The following TLE7 variants were observed in gnomAD, a reference collection of about 807,000 sequenced individuals.
TLE7 encodes the protein TLE family member 7.
intron 1 of TLE7, among the ~76,000 whole-genome samples, chr16:71,439,433 G>A (rs1458117419): frequency 6.6e-6 from 1 of 152,136 alleles, no homozygotes; most frequent in Middle Eastern, 3.2e-3. Context: ...TGTTTTGGAG[G>A]CAGGGAGGGC....
intron 1 of TLE7, among the ~76,000 whole-genome samples, chr16:71,437,086 C>T (rs866329835): frequency 5.3e-5 from 8 of 152,048 alleles, no homozygotes; most frequent in African/African-American, 4.8e-5. Context: ...TGGTGGTGCA[C>T]GCCTGTAATC....
chr16:71,439,992 TA>T (rs749568526), intron 1 of TLE7, among the ~76,000 whole-genome samples: 2 of 152,186 alleles, frequency 1.3e-5, no homozygotes, highest in Admixed American at 6.5e-5. Flanking sequence ...AAATGTGGTG[TA>T]AATATACAAC....
rs765640736 is a variant in TLE7, at chr16:71,431,148, G to A, written c.1120C>T (p.His374Tyr). The A allele has an allele frequency of 2.5e-6, 1 of 400,792 alleles. No homozygotes were observed. 24.8% of individuals were successfully genotyped at this position (400,792 alleles called of 1,614,324 possible). Residue 374 changes from histidine (H) to tyrosine (Y), a missense_variant, in exon 8 of 10, where the codon CAC (histidine) becomes TAC (tyrosine). Transcript: ENST00000561754. This position sits in a 1 kb window ranked among gnomAD's most constrained non-coding sequence, Gnocchi z 4.5. Reference sequence around the variant, plus strand: ...CAGGAGGCAAACTTGAGGCTGTGGTGGCGGGTGTATTTTTTCATGAGAGCC... The same window carrying A: ...CAGGAGGCAAACTTGAGGCTGTGGTAGCGGGTGTATTTTTTCATGAGAGCC... The part of the protein sequence containing the change: ...FKALMKKYTR[H>Y]HSLKFASCGS...
rs1239367460 is a variant in TLE7 at position 71,431,190 on chromosome 16, G to A, written c.1078C>T (p.Arg360Trp). 1.5e-5 allele frequency: 6 copies of A among 400,534 alleles called. No homozygotes were observed. The highest frequency in any genetic ancestry group is 2.7e-5 in the Non-Finnish European group (6 of 226,248). 24.8% of individuals were successfully genotyped at this position (400,534 alleles called of 1,614,324 possible). Residue 360 changes from arginine to tryptophan, a missense_variant, in exon 8 of 10, where the codon CGG becomes TGG. Physicochemically the swap from Arg to Trp is moderately radical, Grantham distance 101. Coordinates refer to ENST00000561754, the MANE Select transcript of TLE7 (RefSeq NM_001367365.2). This position sits in a 1 kb window ranked among gnomAD's most constrained non-coding sequence, Gnocchi z 4.5. ...TSDIVFLHTR[R>W]NEQFKALMKK... ...ATGAGAGCCTTAAACTGCTCATTCC[G>A]ACGAGTGTGAAGGAACACGATATCA...
Position 71,431,091 on chromosome 16 carries a change from C to G in TLE7, c.1147+30G>C, listed in dbSNP as rs1219476611. On this transcript the variant is annotated intron_variant, in intron 8 of 9. Transcript: ENST00000561754. The surrounding 1 kb of genome is among the most constrained non-coding windows in gnomAD (Gnocchi z 4.5). ...ACGACAGCAAGTTCAAAATCGGACA[C>G]CCAGAGGTGTCACCTGGCTTCTCAC... 3 of 400,620 alleles carry G rather than the reference C, an allele frequency of 7.5e-6. No homozygotes were observed. Among genetic ancestry groups the G allele is most frequent in the African/African-American group, 4.1e-5 (2 of 48,666 alleles). The allele number at this position is 400,620 out of a possible 1,614,324, so 24.8% of individuals were successfully genotyped here. A position where few individuals can be genotyped will look rare whatever the true frequency, so the allele number is the denominator to read the frequency against.
chr16:71,436,703 A>G (rs2042827338), intron 1 of TLE7, among the ~76,000 whole-genome samples: 1 of 152,242 alleles, frequency 6.6e-6, no homozygotes, highest in Non-Finnish European at 1.5e-5. Context: ...TGAAGCCAAC[A>G]GTGGGTGACT....
chr16:71,433,623 T>C (rs78854830), intron 1 of TLE7, among the ~76,000 whole-genome samples: 2 of 152,178 alleles, frequency 1.3e-5, no homozygotes, highest in African/African-American at 4.8e-5. Flanking sequence ...GGCATTGTAT[T>C]TTTCCTTTTA....
chr16:71,433,858 T>C (rs1420333379), intron 1 of TLE7, among the ~76,000 whole-genome samples: 1 of 125,486 alleles, frequency 8.0e-6, no homozygotes, highest in African/African-American at 2.5e-5. Context: ...CTTGGGAGGC[T>C]GAGGCAGGAG....
chr16:71,438,442 G>C (rs1379475334), intron 1 of TLE7, among the ~76,000 whole-genome samples: 5 of 92,706 alleles, frequency 5.4e-5, no homozygotes, highest in Admixed American at 1.1e-4. Context: ...AAAAAAAAAA[G>C]AGAGAGAGAA....
chr16:71,430,896 C>G (rs530022860), intron 8 of TLE7, among the ~76,000 whole-genome samples, 155 bp from the exon 9 acceptor site: 30 of 152,298 alleles, frequency 2.0e-4, no homozygotes, highest in Non-Finnish European at 3.8e-4. Flanking sequence ...TATCTTCCCC[C>G]ACCCTCCTAC....
chr16:71,439,303 G>A (rs1001760548), intron 1 of TLE7, among the ~76,000 whole-genome samples: 2 of 152,208 alleles, frequency 1.3e-5, no homozygotes, highest in South Asian at 2.1e-4. Context: ...AGGACTCAGC[G>A]GGGGAAGCAG....
Position 71,441,954 on chromosome 16 carries a change from A to G in TLE7, c.-97+15T>C, listed in dbSNP as rs1402164989. ...CAGCAGACGCGCGGGGATCCACGGC[A>G]GAACAGCCCCTTACCGTGGCGGGGG... On this transcript the variant is annotated intron_variant, in intron 1 of 9. Transcript: ENST00000561754. 1 of 152,334 alleles carries G rather than the reference A, an allele frequency of 6.6e-6. No individual in the cohort carries two copies. The highest frequency in any genetic ancestry group is 1.5e-5 in the Non-Finnish European group (1 of 68,130). The allele number at this position is 152,334 out of a possible 1,614,324, so 9.4% of individuals were successfully genotyped here.
At chr16:71,438,368 T>C (rs777180401) in intron 1 of TLE7, among the ~76,000 whole-genome samples, 4 of 132,034 alleles carry the variant, frequency 3.0e-5, no homozygotes, top group Non-Finnish European at 6.1e-5. Flanking sequence ...GGCAGAGCCC[T>C]GAAGCAAGAT....
rs1273497851 is a variant in TLE7 at position 71,432,233 on chromosome 16, G to A, written c.486C>T (p.Tyr162=). ...GGGTTGAGCCGCTGATGGCCACAGC[G>A]TAGACTCTCTTTCCATGGAAGAGTG... is the stretch of plus-strand genomic sequence containing the variant. ...VGTLFHGKRV[Y]AVAISGSTHH... The change falls in exon 5 of 10, where the codon TAC becomes TAT. Residue 162 remains tyrosine (Y), a synonymous_variant. Transcript: ENST00000561754. The A allele has an allele frequency of 5.5e-5, 22 of 400,752 alleles. No homozygotes were observed. In the East Asian group the frequency reaches 5.7e-4, roughly 10 times the overall value. The allele number at this position is 400,752 out of a possible 1,614,324, so 24.8% of individuals were successfully genotyped here. A position where few individuals can be genotyped will look rare whatever the true frequency, so the allele number is the denominator to read the frequency against.
At chr16:71,440,347 G>A (rs934354043) in intron 1 of TLE7, among the ~76,000 whole-genome samples, 13 of 152,062 alleles carry the variant, frequency 8.5e-5, no homozygotes, top group Admixed American at 2.0e-4. Flanking sequence ...AAGATGAGCC[G>A]GGCACCTGTA....
At position 71,431,189 on chromosome 16, in the gene TLE7, C is replaced by T. The variant is rs892319771; in HGVS notation, c.1079G>A (p.Arg360Gln). The T allele has an allele frequency of 1.0e-5, 4 of 400,554 alleles. No individual in the cohort carries two copies. Among genetic ancestry groups the T allele is most frequent in the Admixed American group, 4.4e-5 (1 of 22,718 alleles). 24.8% of individuals were successfully genotyped at this position (400,554 alleles called of 1,614,324 possible). Residue 360 changes from arginine (R) to glutamine (Q), a missense_variant, in exon 8 of 10, where the codon CGG becomes CAG. Transcript: ENST00000561754. This position sits in a 1 kb window ranked among gnomAD's most constrained non-coding sequence, Gnocchi z 4.5. ...CATGAGAGCCTTAAACTGCTCATTC[C>T]GACGAGTGTGAAGGAACACGATATC... The part of the protein sequence containing the change: ...TSDIVFLHTR[R>Q]NEQFKALMKK...
At chr16:71,438,729 CAA>C (rs1489169592) in intron 1 of TLE7, among the ~76,000 whole-genome samples, 1 of 149,470 alleles carries the variant, frequency 6.7e-6, no homozygotes, top group African/African-American at 2.5e-5. Context: ...CGAGGAGTTG[CAA>C]GAGTCAAAGA....
chr16:71,439,978 A>G (rs2042840876), intron 1 of TLE7, among the ~76,000 whole-genome samples: 1 of 152,244 alleles, frequency 6.6e-6, no homozygotes, highest in African/African-American at 2.4e-5. Context: ...TGAAGAATGG[A>G]TCAAAATGTG....
intron 1 of TLE7, among the ~76,000 whole-genome samples, chr16:71,439,680 C>G (rs1015078164): frequency 6.6e-6 from 1 of 152,182 alleles, no homozygotes; most frequent in Admixed American, 6.5e-5. Flanking sequence ...TCACTTCACA[C>G]ACCCTAGGAT....
Sources: gnomAD v4.1 joint callset for allele counts (sites outside exome capture counted in the v4.1 genomes callset) on GRCh38, gnomAD v4.1.1 for gene constraint, Gnocchi (gnomAD v3.1) non-coding constraint, MANE v1.5 for transcripts, NCBI Gene and HGNC (gene_info 2026-07-23, HGNC 2026-07-21) for gene names.